Variants in SPATA9 observed in about 807,000 individuals in gnomAD.
SPATA9 encodes the protein spermatogenesis associated 9.
In SPATA9, 27 loss-of-function variants were observed where a neutral mutation model predicts 25.5. That is an observed-to-expected ratio of 1.06 (90% confidence interval 0.78 to 1.46). SPATA9 has a LOEUF of 1.46. Ranked by LOEUF, SPATA9 falls within the 40% of genes most tolerant of loss-of-function variation. The pLI, the probability that SPATA9 is intolerant of heterozygous loss-of-function variation, is 0.00. For missense variants in SPATA9, 282 were observed against 297.5 expected (o/e 0.95, Z 0.38); for synonymous variants, 102 against 105.7 (o/e 0.97, Z 0.21).
upstream of SPATA9, among the ~76,000 whole-genome samples, chr5:95,683,833 G>A (rs1190271752): frequency 1.3e-5 from 2 of 152,090 alleles, no homozygotes; most frequent in African/African-American, 2.4e-5. Flanking sequence ...CACCACGCCC[G>A]GCCGACAGCC....
chr5:95,670,321 T>C (rs1580313077), intron 3 of SPATA9: 1 of 152,306 alleles, frequency 6.6e-6, no homozygotes, highest in Non-Finnish European at 1.5e-5. Flanking sequence ...AATGAAAATG[T>C]TCCTCTATTT....
At chr5:95,667,183 A>G (rs1751893865) in intron 3 of SPATA9, among the ~76,000 whole-genome samples, 1 of 152,194 alleles carries the variant, frequency 6.6e-6, no homozygotes, top group Non-Finnish European at 1.5e-5. Flanking sequence ...CTGTTCTAGT[A>G]TGCTCAGTGT....
At chr5:95,690,351 T>C (rs10038706) in intron 1 of SPATA9, among the ~76,000 whole-genome samples, 31,789 of 152,082 alleles carry the variant, frequency 0.21, 3,910 homozygotes, top group African/African-American at 0.35. Flanking sequence ...GGTATCTAAA[T>C]TCTGGGCTTT....
At chr5:95,726,569 G>C in the SPATA9 span, among the ~76,000 whole-genome samples, 1 of 152,166 alleles carries the variant, frequency 6.6e-6, no homozygotes. Context: ...TTAAAACAGT[G>C]TTCTTTATAA....
At chr5:95,670,960 C>T in intron 3 of SPATA9, 3 of 912,064 alleles carry the variant, frequency 3.3e-6, no homozygotes, top group Non-Finnish European at 3.9e-6. Flanking sequence ...TCAACCCTAG[C>T]TACTGTATAC....
At chr5:95,719,099 A>G in the SPATA9 span, among the ~76,000 whole-genome samples, 1 of 152,178 alleles carries the variant, frequency 6.6e-6, no homozygotes, top group Non-Finnish European at 1.5e-5. Context: ...TTGAGATCAT[A>G]GAGAACATGG....
At chr5:95,719,333 T>C in the SPATA9 span, among the ~76,000 whole-genome samples, 858 of 152,286 alleles carry the variant, frequency 5.6e-3, 9 homozygotes, top group South Asian at 0.045. Flanking sequence ...TCTCCCTCTC[T>C]ACCCAGATTG....
At chr5:95,662,983 C>A (rs1195581985) in intron 4 of SPATA9, among the ~76,000 whole-genome samples, 1 of 152,150 alleles carries the variant, frequency 6.6e-6, no homozygotes, top group Non-Finnish European at 1.5e-5. Context: ...TGTTAAAAAA[C>A]CATTTTAGAA....
At chr5:95,654,000 A>G, downstream of SPATA9, 4 of 1,447,638 alleles carry the variant, frequency 2.8e-6, no homozygotes, top group Non-Finnish European at 3.8e-6. Context: ...GGTTATCTCC[A>G]TTAAGCTGGA....
At chr5:95,687,754 G>A (rs1753783884), upstream of SPATA9, among the ~76,000 whole-genome samples, 1 of 152,204 alleles carries the variant, frequency 6.6e-6, no homozygotes, top group South Asian at 2.1e-4. Context: ...GAGTTGCTGA[G>A]AGTTGGTTAG....
upstream of SPATA9, among the ~76,000 whole-genome samples, chr5:95,685,323 C>T (rs534109211): frequency 6.6e-6 from 1 of 152,330 alleles, no homozygotes; most frequent in South Asian, 2.1e-4. Flanking sequence ...CCCTAACAAC[C>T]TTCCTAATTG....
the SPATA9 span, among the ~76,000 whole-genome samples, chr5:95,720,756 T>A: frequency 6.6e-6 from 1 of 152,310 alleles, no homozygotes; most frequent in African/African-American, 2.4e-5. Flanking sequence ...ACTTTTCCCA[T>A]GATTCTGAAG....
chr5:95,716,283 G>T, the SPATA9 span, among the ~76,000 whole-genome samples: 1 of 152,236 alleles, frequency 6.6e-6, no homozygotes, highest in Non-Finnish European at 1.5e-5. Context: ...AGCCAGGAGT[G>T]GGGGTTACAC....
upstream of SPATA9, among the ~76,000 whole-genome samples, chr5:95,685,833 CGTTT>C (rs769372326): frequency 6.6e-6 from 1 of 151,826 alleles, no homozygotes. Context: ...ATAGTTTTTT[CGTTT>C]GTTTGTTTGT....
intron 3 of SPATA9, among the ~76,000 whole-genome samples, chr5:95,673,376 TTGTG>T (rs10557096): frequency 4.3e-4 from 64 of 150,408 alleles, no homozygotes; most frequent in Middle Eastern, 3.4e-3. Context: ...GTGTGTGTGT[TTGTG>T]TGTGTGTGTG....
At chr5:95,663,916 G>T (rs1240489757) in intron 4 of SPATA9, 37 bp downstream of exon 4, 1 of 1,188,628 alleles carries the variant, frequency 8.4e-7, no homozygotes, top group Non-Finnish European at 1.2e-6. Context: ...AAAATAAGTA[G>T]ATTTATTTCT....
chr5:95,731,587 G>A, the SPATA9 span: 1 of 1,571,094 alleles, frequency 6.4e-7, no homozygotes. Flanking sequence ...GGCCGGGGAT[G>A]AGCGGATTGC....
chr5:95,671,011 C>T (rs1352626892), intron 3 of SPATA9: 3 of 469,466 alleles, frequency 6.4e-6, no homozygotes, highest in Non-Finnish European at 8.4e-6. Flanking sequence ...CCCCCAAGGA[C>T]CCTGGAACCT....
intron 4 of SPATA9, among the ~76,000 whole-genome samples, chr5:95,661,855 C>A (rs1028723714): frequency 6.6e-6 from 1 of 151,808 alleles, no homozygotes; most frequent in Non-Finnish European, 1.5e-5. Context: ...CATGCACACA[C>A]CTGCTTGGCT....
Sources: gnomAD v4.1 joint callset for allele counts (sites outside exome capture counted in the v4.1 genomes callset) on GRCh38, gnomAD v4.1.1 for gene constraint, MANE v1.5 for transcripts, NCBI Gene and HGNC (gene_info 2026-07-23, HGNC 2026-07-21) for gene names.